MMP19: variants seen among roughly 807,000 people sequenced by gnomAD.
MMP19 encodes the protein matrix metallopeptidase 19.
A neutral mutation model predicts 46.6 loss-of-function variants in MMP19; 47 were observed. That is an observed-to-expected ratio of 1.01 (90% CI 0.80 to 1.29). The LOEUF is 1.29. MMP19 is among the 50% of genes most tolerant of loss of function. MMP19 has a pLI of 0.00. For missense variants in MMP19, 589 were observed against 643.5 expected, an observed-to-expected ratio of 0.92 and a Z score of 0.92; for synonymous variants, 222 against 248.5, an observed-to-expected ratio of 0.89 and a Z score of 1.00.
Position 55,836,893 on chromosome 12 carries a change from C to T in MMP19, c.*143G>A. ...GAGGCCTGAGATCTACGGTCTTGCG[C>T]CTGCTACAGCACCTGCAAGGTTCTA... is the stretch of plus-strand genomic sequence containing the variant. On this transcript the variant is annotated 3_prime_UTR_variant, in exon 9 of 9. Coordinates refer to ENST00000322569, the MANE Select transcript of MMP19 (RefSeq NM_002429.6). 1 of 745,406 alleles carries T rather than the reference C, an allele frequency of 1.3e-6. No homozygotes were observed. Among genetic ancestry groups the T allele is most frequent in the Non-Finnish European group, 2.2e-6 (1 of 464,582 alleles). 46.2% of individuals were successfully genotyped at this position (745,406 alleles called of 1,614,324 possible). A position where few individuals can be genotyped will look rare whatever the true frequency, so the allele number is the denominator to read the frequency against.
intron 8 of MMP19, 40 bp downstream of exon 8, chr12:55,837,512 ACTC>A (rs1881325208): frequency 2.5e-6 from 4 of 1,612,662 alleles, no homozygotes; most frequent in Non-Finnish European, 3.4e-6. Flanking sequence ...AAGGTAGCCC[ACTC>A]CTCCTAAGAA....
rs567533354 is a variant in MMP19, at chr12:55,839,643, G to T, written c.619C>A (p.Arg207Ser). 3.7e-6 allele frequency: 6 copies of T among 1,614,234 alleles called. No individual in the cohort carries two copies. The highest frequency in any genetic ancestry group is 5.1e-6 in the Non-Finnish European group (6 of 1,180,038). The stretch of plus-strand genomic sequence containing the variant: ...CCCACTTCATGGGCTGCAATGATGC[G>T]CAGGTTCACCCCACGGTAGGTCCCC... ...TEGTYRGVNL[R>S]IIAAHEVGHA... is the part of the protein sequence containing the mutation. Residue 207 changes from arginine (R) to serine (S), a missense_variant, in exon 5 of 9, where the codon CGC becomes AGC. Physicochemically the swap from Arg to Ser is moderately radical, Grantham distance 110. Coordinates refer to ENST00000322569, the MANE Select transcript of MMP19 (RefSeq NM_002429.6).
chr12:55,839,871 G>A (rs912354227), intron 4 of MMP19, 130 bp from the exon 5 acceptor site: 1 of 1,246,882 alleles, frequency 8.0e-7, no homozygotes, highest in Admixed American at 2.6e-5. Flanking sequence ...TCTCTTGGAT[G>A]CTTCTTTCTC....
In MMP19 at chr12:55,835,736, TA is replaced by T. The variant is rs1881164267; in HGVS notation, c.*1299del. On this transcript the variant is annotated 3_prime_UTR_variant, in exon 9 of 9. Transcript: ENST00000322569. ...ATACCCCAACCTCCAGGCCCTTCATTAGGGGGTAGTTGGGTTTCTGTTTGGC... is the reference window on the plus strand; with the variant it reads ...ATACCCCAACCTCCAGGCCCTTCATTGGGGGTAGTTGGGTTTCTGTTTGGC... The T allele has an allele frequency of 6.6e-6, 1 of 152,148 alleles. No homozygotes were observed. The highest frequency in any genetic ancestry group is 2.4e-5 in the African/African-American group (1 of 41,410). The allele number at this position is 152,148 out of a possible 1,614,324, so 9.4% of individuals were successfully genotyped here.
rs768762436 is a variant in MMP19 at position 55,837,276 on chromosome 12, G to C, written c.1287C>G (p.Pro429=). The C allele has an allele frequency of 6.2e-7, 1 of 1,614,204 alleles. No individual in the cohort carries two copies. Among genetic ancestry groups the C allele is most frequent in the Admixed American group, 1.7e-5 (1 of 60,024 alleles). Reference sequence around the variant, plus strand: ...CATCTTGCCAACTCATAGCAGCCGAGGGCTGGTTTGGCACTCCCGTAAACA... The same window carrying C: ...CATCTTGCCAACTCATAGCAGCCGACGGCTGGTTTGGCACTCCCGTAAACA... ...KGLFTGVPNQ[P]SAAMSWQDGR... Residue 429 remains proline, a synonymous_variant, in exon 9 of 9, where the codon CCC becomes CCG. Transcript: ENST00000322569.
At chr12:55,840,557 G>T in intron 4 of MMP19, 110 bp downstream of exon 4, 1 of 1,117,994 alleles carries the variant, frequency 8.9e-7, no homozygotes, top group Non-Finnish European at 1.3e-6. Flanking sequence ...AGCGTATGGT[G>T]CAGGTGGGAT....
At chr12:55,838,328 T>C in intron 6 of MMP19, 1 of 683,322 alleles carries the variant, frequency 1.5e-6, no homozygotes. Flanking sequence ...TAACAGGCAA[T>C]CTGGGTAATA....
At chr12:55,838,394 G>A in intron 6 of MMP19, 1 of 1,059,518 alleles carries the variant, frequency 9.4e-7, no homozygotes, top group Non-Finnish European at 1.4e-6. Flanking sequence ...CTTAGAGCGT[G>A]GCAGCCTTGG....
chr12:55,838,977 C>T (rs932411486), intron 5 of MMP19, among the ~76,000 whole-genome samples: 16 of 152,098 alleles, frequency 1.1e-4, no homozygotes, highest in Admixed American at 6.6e-5. Flanking sequence ...TGGTGGCTCA[C>T]GCCTATAATC....
Position 55,839,578 on chromosome 12 carries a change from G to C in MMP19, c.684C>G (p.Ala228=). ...AGCCCTCGTAGACTGGGGCCATGAG[G>C]GCCTGGGAATATCGGGAGTGCCCAA... ...LGLGHSRYSQ[A]LMAPVYEGYR... The change falls in exon 5 of 9, where the codon GCC becomes GCG. Residue 228 remains alanine, a synonymous_variant. Transcript: ENST00000322569. The C allele has an allele frequency of 3.7e-6, 6 of 1,614,204 alleles. No homozygotes were observed. Among genetic ancestry groups the C allele is most frequent in the Non-Finnish European group, 5.1e-6 (6 of 1,180,024 alleles).
Position 55,837,183 on chromosome 12 carries a change from GC to G in MMP19, c.1379del (p.Gly460AlafsTer18), listed in dbSNP as rs766443017. 6.2e-7 allele frequency: 1 copy of G among 1,614,206 alleles called. No individual in the cohort carries two copies. Among genetic ancestry groups the G allele is most frequent in the Non-Finnish European group, 8.5e-7 (1 of 1,180,040 alleles). On this transcript the variant is annotated frameshift_variant, in exon 9 of 9. Coordinates refer to ENST00000322569, the MANE Select transcript of MMP19 (RefSeq NM_002429.6). LOFTEE classifies it low-confidence loss of function (END_TRUNC). ...AGTTGTGGGAAATATTTCTGGGATA[GC>G]CTTTCTCTACTCGAAGCTGCTGGTT... ...RLNQQLRVEK[G>X]YPRNISHNWM...
At chr12:55,839,965 C>G (rs906541934) in intron 4 of MMP19, 8 of 592,298 alleles carry the variant, frequency 1.4e-5, no homozygotes, top group Admixed American at 3.1e-5. Context: ...TCCCTGCTCT[C>G]TGACCCAGTC....
intron 8 of MMP19, 25 bp downstream of exon 8, chr12:55,837,530 T>C (rs776300606): frequency 6.2e-7 from 1 of 1,613,828 alleles, no homozygotes; most frequent in Non-Finnish European, 8.5e-7. Context: ...TAAGAAGGGA[T>C]TTGCCCTTGC....
chr12:55,837,439 C>T (rs2136230839), intron 8 of MMP19, 65 bp from the exon 9 acceptor site: 1 of 1,575,916 alleles, frequency 6.3e-7, no homozygotes, highest in Non-Finnish European at 8.6e-7. Context: ...CCCAGGGGTC[C>T]ACCCCCAGCC....
At chr12:55,841,352 C>T (rs538883917) in intron 2 of MMP19, 116 bp from the exon 3 acceptor site, 1 of 1,191,280 alleles carries the variant, frequency 8.4e-7, no homozygotes, top group Admixed American at 2.0e-5. Context: ...CACAGAATCC[C>T]TGAAGCTGAC....
At position 55,837,702 on chromosome 12, in the gene MMP19, G is replaced by T. The variant is rs752763271; in HGVS notation, c.1061-20C>A. The T allele has an allele frequency of 6.2e-7, 1 of 1,613,980 alleles. No homozygotes were observed. Among genetic ancestry groups the T allele is most frequent in the African/African-American group, 1.3e-5 (1 of 74,914 alleles). On this transcript the variant is annotated intron_variant, in intron 7 of 8. Coordinates refer to ENST00000322569, the MANE Select transcript of MMP19 (RefSeq NM_002429.6). ...TGTCTCCTGAGAGCATGTGAGGAAA[G>T]AACAAGTCACCTCTGTCCTCAGGTG...
rs1354280966 is a variant in MMP19, at chr12:55,835,574, G to A, written c.*1462C>T. 1 of 152,132 alleles carries A rather than the reference G, an allele frequency of 6.6e-6. No homozygotes were observed. The highest frequency in any genetic ancestry group is 6.6e-5 in the Admixed American group (1 of 15,250). The allele number at this position is 152,132 out of a possible 1,614,324, so 9.4% of individuals were successfully genotyped here. A position where few individuals can be genotyped will look rare whatever the true frequency, so the allele number is the denominator to read the frequency against. On this transcript the variant is annotated 3_prime_UTR_variant, in exon 9 of 9. Coordinates refer to ENST00000322569, the MANE Select transcript of MMP19 (RefSeq NM_002429.6). Reference sequence around the variant, plus strand: ...GATTATAGCCACCGCACCTCGTCTTGAAATAGCCTTTTAAATGTTCACCTC... The same window carrying A: ...GATTATAGCCACCGCACCTCGTCTTAAAATAGCCTTTTAAATGTTCACCTC...
chr12:55,840,798 C>CGCA lies in MMP19; in HGVS notation c.386_388dup (p.Leu129dup), dbSNP rs756640338. 18 of 1,612,974 alleles carry CGCA rather than the reference C, an allele frequency of 1.1e-5. No homozygotes were observed. The highest frequency in any genetic ancestry group is 5.3e-5 in the African/African-American group (4 of 74,894). Reference sequence around the variant, plus strand: ...ATTGCTCCAGTCCTGGAAGGCTTGACGCAGGGCTGCCCGGGCTGTGTGGGG... The same window carrying CGCA: ...ATTGCTCCAGTCCTGGAAGGCTTGACGCAGCAGGGCTGCCCGGGCTGTGTGGGG... On this transcript the variant is annotated inframe_insertion, in exon 4 of 9. Coordinates refer to ENST00000322569, the MANE Select transcript of MMP19 (RefSeq NM_002429.6).
At position 55,840,549 on chromosome 12, in the gene MMP19, C is replaced by T. The variant is rs1023837505; in HGVS notation, c.520+118G>A. On this transcript the variant is annotated intron_variant, in intron 4 of 8. Transcript: ENST00000322569. ...CTCCCGTTAGGAGGTAATTAGAGAG[C>T]GTATGGTGCAGGTGGGATAAAGAGC... is the stretch of plus-strand genomic sequence containing the variant. 2.3e-5 allele frequency: 23 copies of T among 1,013,344 alleles called. No homozygotes were observed. The African/African-American group carries it at 2.6e-4, about 11-fold the overall frequency. The allele number at this position is 1,013,344 out of a possible 1,614,324, so 62.8% of individuals were successfully genotyped here.
Sources: allele counts gnomAD v4.1 joint callset (sites outside exome capture counted in the v4.1 genomes callset), GRCh38; gene constraint gnomAD v4.1.1; transcripts MANE v1.5; gene names NCBI Gene and HGNC (gene_info 2026-07-23, HGNC 2026-07-21).